The following SPSB4 variants were observed in gnomAD, a reference collection of about 807,000 sequenced individuals.
SPSB4 encodes the protein SPRY domain-containing SOCS box protein 4.
SPSB4 carries 21 observed loss-of-function variants against 20.9 expected under a neutral mutation model. That is an observed-to-expected ratio of 1.01 (90% CI 0.71 to 1.45). SPSB4 has a LOEUF of 1.45. Among genes scored for constraint, SPSB4 ranks in the 40% most tolerant of loss-of-function variants. The pLI, the probability that SPSB4 is intolerant of heterozygous loss-of-function variation, is 0.00. For missense variants in SPSB4, 399 were observed against 399.2 expected (o/e 1.00, Z 0.00); for synonymous variants, 207 against 183.8 (o/e 1.13, Z -1.02).
intron 2 of SPSB4, among the ~76,000 whole-genome samples, chr3:141,143,457 C>T (rs1205104138): frequency 1.3e-5 from 2 of 152,204 alleles, no homozygotes; most frequent in South Asian, 2.1e-4. Context: ...GCAAAGAGTC[C>T]TATGATGGGA....
intron 2 of SPSB4, among the ~76,000 whole-genome samples, chr3:141,087,217 G>C (rs1315974224): frequency 1.3e-5 from 2 of 152,192 alleles, no homozygotes; most frequent in African/African-American, 2.4e-5. Flanking sequence ...AGTGTGCACA[G>C]TAGTATGGCT....
intron 2 of SPSB4, among the ~76,000 whole-genome samples, chr3:141,082,229 G>A (rs367947094): frequency 6.6e-5 from 10 of 152,214 alleles, no homozygotes; most frequent in Non-Finnish European, 1.0e-4. Context: ...CAATTCGGGG[G>A]CAGAGGTCAA....
At chr3:141,068,361 G>T (rs912849314) in intron 2 of SPSB4, among the ~76,000 whole-genome samples, 4 of 152,222 alleles carry the variant, frequency 2.6e-5, no homozygotes, top group Non-Finnish European at 5.9e-5. Context: ...TCATCACAGT[G>T]CCTTGTGGAA....
At chr3:141,132,174 G>GTTT (rs551279340) in intron 2 of SPSB4, 31 of 368,114 alleles carry the variant, frequency 8.4e-5, no homozygotes, top group East Asian at 9.6e-5. Context: ...TTATATCTTT[G>GTTT]TTTTTTTTTT....
chr3:141,121,410 G>C (rs1444978768), intron 2 of SPSB4, among the ~76,000 whole-genome samples: 1 of 152,168 alleles, frequency 6.6e-6, no homozygotes, highest in East Asian at 1.9e-4. Flanking sequence ...TCTTCTCAAG[G>C]AGTATCTTTG....
At chr3:141,054,689 C>T (rs1024556718) in intron 1 of SPSB4, among the ~76,000 whole-genome samples, 3 of 152,196 alleles carry the variant, frequency 2.0e-5, no homozygotes, top group South Asian at 2.1e-4. Context: ...AAAATGTATA[C>T]GTGTGGTGGT....
intron 2 of SPSB4, among the ~76,000 whole-genome samples, chr3:141,093,936 G>A (rs1938505271): frequency 6.6e-6 from 1 of 152,168 alleles, no homozygotes; most frequent in Non-Finnish European, 1.5e-5. Context: ...TGTGTTCTGA[G>A]CCTCTGTTTC....
chr3:141,103,948 C>T (rs1030918678), intron 2 of SPSB4, among the ~76,000 whole-genome samples: 3 of 151,886 alleles, frequency 2.0e-5, no homozygotes, highest in African/African-American at 4.8e-5. Context: ...CCAAAGAGAT[C>T]ATGCTCAAAG....
intron 2 of SPSB4, among the ~76,000 whole-genome samples, chr3:141,093,811 C>T (rs948921467): frequency 6.6e-6 from 1 of 152,214 alleles, no homozygotes; most frequent in African/African-American, 2.4e-5. Context: ...TGTGCCCACT[C>T]CTCCAGCCCT....
At chr3:141,126,983 A>G (rs1179444703) in intron 2 of SPSB4, among the ~76,000 whole-genome samples, 2 of 151,964 alleles carry the variant, frequency 1.3e-5, no homozygotes, top group Non-Finnish European at 2.9e-5. Context: ...ACCTTCTTCC[A>G]CCTCTTCACT....
intron 2 of SPSB4, among the ~76,000 whole-genome samples, chr3:141,146,500 G>A (rs1368197614): frequency 3.9e-5 from 6 of 152,158 alleles, no homozygotes; most frequent in Non-Finnish European, 7.4e-5. Context: ...CACCAGGCCG[G>A]GCGCGGTGGC....
rs536524203 is a variant in SPSB4 at position 141,072,416 on chromosome 3, C to CCGTGG, written c.694+5620_694+5624dup. Among the ~76,000 whole-genome samples the CCGTGG allele has an allele frequency of 2.9e-3, 441 of 152,238 alleles. 1 individual carries two copies. The highest frequency in any genetic ancestry group is 0.01 in the African/African-American group (422 of 41,540). On this transcript the variant is annotated intron_variant, in intron 2 of 2. Transcript: ENST00000310546. ...TGGGGGTTGGTGGGAGGTGATTGGG[C>CCGTGG]CGTGGCAGATACATCATGAATGGCT...
intron 1 of SPSB4, among the ~76,000 whole-genome samples, chr3:141,061,831 G>A (rs1937771794): frequency 6.6e-6 from 1 of 150,566 alleles, no homozygotes. Context: ...CACCTCCTGG[G>A]TTAAAGCAGT....
At chr3:141,094,507 C>T (rs913374552) in intron 2 of SPSB4, among the ~76,000 whole-genome samples, 7 of 152,142 alleles carry the variant, frequency 4.6e-5, no homozygotes, top group African/African-American at 1.7e-4. Context: ...CTCTTGTGCC[C>T]TGAACTCGGA....
chr3:141,119,944 T>C (rs2107800970), intron 2 of SPSB4, among the ~76,000 whole-genome samples: 1 of 152,336 alleles, frequency 6.6e-6, no homozygotes, highest in East Asian at 1.9e-4. Flanking sequence ...AGTTATTTCT[T>C]GCCTTCTGCT....
chr3:141,110,417 T>C (rs1422914967), intron 2 of SPSB4, among the ~76,000 whole-genome samples: 1 of 152,194 alleles, frequency 6.6e-6, no homozygotes, highest in Non-Finnish European at 1.5e-5. Flanking sequence ...CATTGCCACA[T>C]ACTGCCTTGG....
chr3:141,081,467 A>T (rs888538432), intron 2 of SPSB4, among the ~76,000 whole-genome samples: 13 of 152,124 alleles, frequency 8.5e-5, no homozygotes, highest in African/African-American at 3.1e-4. Flanking sequence ...AGTGAGTTCA[A>T]GTGGGGGTGG....
At chr3:141,136,772 G>T (rs552169641) in intron 2 of SPSB4, among the ~76,000 whole-genome samples, 2 of 152,180 alleles carry the variant, frequency 1.3e-5, no homozygotes, top group African/African-American at 4.8e-5. Context: ...GTGAGGTAGC[G>T]TGATGCCTCC....
chr3:141,057,476 G>T (rs2107774777), intron 1 of SPSB4, among the ~76,000 whole-genome samples: 1 of 152,338 alleles, frequency 6.6e-6, no homozygotes, highest in East Asian at 1.9e-4. Flanking sequence ...TTCTAAGGCA[G>T]TGTATTGCTT....
Sources: allele counts gnomAD v4.1 joint callset (sites outside exome capture counted in the v4.1 genomes callset), GRCh38; gene constraint gnomAD v4.1.1; transcripts MANE v1.5; gene names NCBI Gene and HGNC (gene_info 2026-07-23, HGNC 2026-07-21).